TENM1: variants seen among roughly 807,000 people sequenced by gnomAD.
TENM1 encodes teneurin-1.
A neutral mutation model predicts 174.8 loss-of-function variants in TENM1; 35 were observed. That is an observed-to-expected ratio of 0.20 (90% CI 0.15 to 0.27). The LOEUF is 0.27. Among genes scored for constraint, TENM1 ranks in the 10% least tolerant of loss-of-function variants. The pLI is 1.00. For synonymous variants in TENM1, 781 were observed against 798.7 expected (o/e 0.98, Z 0.37); for missense variants, 1,633 against 2,130.1 (o/e 0.77, Z 4.59).
At chrX:124,689,966 G>T (rs1410790421) in intron 5 of TENM1, among the ~76,000 whole-genome samples, 1 of 111,252 alleles carries the variant, frequency 9.0e-6, no homozygotes, top group Non-Finnish European at 1.9e-5. Flanking sequence ...AACTGAAATT[G>T]TAGGAAGCAA....
rs1189208723 is a variant in TENM1 at position 124,482,167 on chromosome X, T to C, written c.3717-203A>G. Reference sequence around the variant, plus strand: ...AAACAAATCTAATGTATACTGCTAATTCATAATGATGCTGACATTCCGATA... The same window carrying C: ...AAACAAATCTAATGTATACTGCTAACTCATAATGATGCTGACATTCCGATA... On this transcript the variant is annotated intron_variant, in intron 21 of 31. Transcript: ENST00000422452. Among the ~76,000 whole-genome samples the C allele has an allele frequency of 2.7e-5, 3 of 110,642 alleles. No individual in the cohort carries two copies. In the Admixed American group the frequency reaches 2.9e-4, roughly 11 times the overall value.
intron 14 of TENM1, among the ~76,000 whole-genome samples, chrX:124,557,434 T>A (rs1189377794): frequency 9.2e-6 from 1 of 108,340 alleles, no homozygotes; most frequent in Non-Finnish European, 1.9e-5. Flanking sequence ...ACAAAGTGCT[T>A]TCTCATTGTA....
intron 23 of TENM1, among the ~76,000 whole-genome samples, chrX:124,431,939 C>A (rs1213223819): frequency 8.9e-6 from 1 of 111,870 alleles, no homozygotes; most frequent in African/African-American, 3.2e-5. Context: ...TTGTTCATTG[C>A]AAATGAATAG....
At chrX:124,826,080 T>C (rs2056153502) in intron 3 of TENM1, among the ~76,000 whole-genome samples, 1 of 111,545 alleles carries the variant, frequency 9.0e-6, no homozygotes, top group South Asian at 3.8e-4. Context: ...TAATTTGAAA[T>C]GTAGGCAAAG....
chrX:125,184,854 T>C, the TENM1 span, among the ~76,000 whole-genome samples: 1 of 111,670 alleles, frequency 9.0e-6, no homozygotes, highest in Non-Finnish European at 1.9e-5. Flanking sequence ...GACTGAACAT[T>C]GACCAATATT....
At chrX:125,110,831 A>C in the TENM1 span, among the ~76,000 whole-genome samples, 40,405 of 110,819 alleles carry the variant, frequency 0.36, 7,455 homozygotes, top group African/African-American at 0.72. Flanking sequence ...TCTTTCTTAG[A>C]ATCCTACCAT....
intron 11 of TENM1, among the ~76,000 whole-genome samples, chrX:124,586,525 A>G (rs1289693024): frequency 9.0e-6 from 1 of 111,650 alleles, no homozygotes; most frequent in Non-Finnish European, 1.9e-5. Flanking sequence ...CTAGGTGTTG[A>G]TGGGACCTAT....
chrX:124,539,103 T>G (rs1347398612), intron 15 of TENM1, among the ~76,000 whole-genome samples: 3 of 111,691 alleles, frequency 2.7e-5, no homozygotes, highest in East Asian at 5.6e-4. Context: ...TATGCAGTAA[T>G]TCCTTGACAA....
intron 3 of TENM1, among the ~76,000 whole-genome samples, chrX:124,797,727 ATG>A (rs1280848551): frequency 9.1e-6 from 1 of 109,791 alleles, no homozygotes; most frequent in Non-Finnish European, 1.9e-5. Context: ...CAAATACAGA[ATG>A]TGCAGGTTTG....
chrX:124,926,986 T>G (rs1466225007), intron 1 of TENM1, among the ~76,000 whole-genome samples: 1 of 112,100 alleles, frequency 8.9e-6, no homozygotes, highest in African/African-American at 3.2e-5. Flanking sequence ...ATTCTAGGTT[T>G]TTCATTCTGA....
intron 3 of TENM1, among the ~76,000 whole-genome samples, chrX:124,779,884 G>T (rs1013178229): frequency 8.9e-6 from 1 of 111,887 alleles, no homozygotes; most frequent in Admixed American, 9.5e-5. Flanking sequence ...TAAGTAACTT[G>T]CTTAAGGCCA....
rs113444763 is a variant in TENM1, at chrX:124,721,870, T to C, written c.776+15087A>G. Among the ~76,000 whole-genome samples, 408 of 112,583 alleles carry C rather than the reference T, an allele frequency of 3.6e-3. 1 individual carries two copies. Among genetic ancestry groups the C allele is most frequent in the African/African-American group, 0.012 (382 of 31,041 alleles). On this transcript the variant is annotated intron_variant, in intron 4 of 31. Coordinates refer to ENST00000422452, the Ensembl canonical transcript of TENM1. ...TAACTAGTGAAAATACTTTGGACAA[T>C]AGCAAATTATGCGTGCATACTTATA...
the TENM1 span, among the ~76,000 whole-genome samples, chrX:125,110,026 G>T: frequency 1.8e-5 from 2 of 111,514 alleles, no homozygotes; most frequent in Non-Finnish European, 3.8e-5. Flanking sequence ...TGATGTTTAT[G>T]AAACAATGAA....
intron 5 of TENM1, among the ~76,000 whole-genome samples, chrX:124,685,217 CT>C (rs776488162): frequency 9.0e-6 from 1 of 111,435 alleles, no homozygotes; most frequent in Non-Finnish European, 1.9e-5. Flanking sequence ...TATAAAATGC[CT>C]GAAAAATAAT....
At chrX:124,391,368 CAA>C (rs2060279958) in intron 28 of TENM1, among the ~76,000 whole-genome samples, 1 of 111,805 alleles carries the variant, frequency 8.9e-6, no homozygotes, top group Non-Finnish European at 1.9e-5. Flanking sequence ...AGATAGAGAT[CAA>C]TTACTCTTAC....
intron 3 of TENM1, among the ~76,000 whole-genome samples, chrX:124,824,890 G>A (rs1569456414): frequency 9.0e-6 from 1 of 110,913 alleles, no homozygotes; most frequent in Non-Finnish European, 1.9e-5. Flanking sequence ...TCTTTAGGGT[G>A]GGATGTTGGC....
At chrX:124,394,775 T>A (rs2060315729) in intron 27 of TENM1, among the ~76,000 whole-genome samples, 1 of 112,364 alleles carries the variant, frequency 8.9e-6, no homozygotes, top group East Asian at 2.8e-4. Flanking sequence ...GTATTTAAAG[T>A]TTTGTGTCCT....
chrX:125,106,571 G>A, the TENM1 span, among the ~76,000 whole-genome samples: 13,846 of 109,700 alleles, frequency 0.13, 731 homozygotes, highest in Admixed American at 0.29. Context: ...CACCACGCCC[G>A]GCTAATTTTT....
intron 3 of TENM1, among the ~76,000 whole-genome samples, chrX:124,764,681 GTT>G (rs201275180): frequency 3.6e-4 from 32 of 88,631 alleles, no homozygotes; most frequent in Admixed American, 7.4e-4. Context: ...TGTTTGGACT[GTT>G]TTTTTTTTTT....
Sources: allele counts gnomAD v4.1 joint callset (sites outside exome capture counted in the v4.1 genomes callset), GRCh38; gene constraint gnomAD v4.1.1; transcripts MANE v1.5; gene names NCBI Gene and HGNC (gene_info 2026-07-23, HGNC 2026-07-21).